Variants in KLHL5 observed in about 807,000 individuals in gnomAD.
The protein encoded by KLHL5 is kelch-like protein 5.
In KLHL5, 48 loss-of-function variants were observed where a neutral mutation model predicts 77.7. The observed-to-expected ratio is 0.62, with a 90% CI of 0.49 to 0.79. The LOEUF (loss-of-function observed/expected upper bound fraction) is 0.79. Among genes scored for constraint, KLHL5 ranks in the 30% least tolerant of loss-of-function variants. The pLI, the probability that KLHL5 is intolerant of heterozygous loss-of-function variation, is 0.00. For synonymous variants in KLHL5, 260 were observed against 297.0 expected, an observed-to-expected ratio of 0.88 and a Z score of 1.28; for missense variants, 723 against 859.7, an observed-to-expected ratio of 0.84 and a Z score of 1.99.
chr4:39,064,150 C>A (rs1196636282), intron 1 of KLHL5, among the ~76,000 whole-genome samples: 1 of 152,018 alleles, frequency 6.6e-6, no homozygotes, highest in Non-Finnish European at 1.5e-5. Flanking sequence ...ACCACCTTTT[C>A]CTCTTCTAAC....
chr4:39,137,880 A>G, the KLHL5 span, among the ~76,000 whole-genome samples: 1 of 152,240 alleles, frequency 6.6e-6, no homozygotes, highest in Non-Finnish European at 1.5e-5. Context: ...CAAGAAAAAA[A>G]CAACTCCATT....
chr4:39,125,447 G>C lies in KLHL5; in HGVS notation c.*4381G>C, dbSNP rs1351346609. ...CAAAAAAGAGGAAACAACCCAAATG[G>C]CCATCAGCTGATGAATGAATAAACA... is the stretch of plus-strand genomic sequence containing the variant. On this transcript the variant is annotated 3_prime_UTR_variant, in exon 11 of 11. Transcript: ENST00000504108. Among the ~76,000 whole-genome samples, 1 of 152,086 alleles carries C rather than the reference G, an allele frequency of 6.6e-6. No homozygotes were observed. Among genetic ancestry groups the C allele is most frequent in the African/African-American group, 2.4e-5 (1 of 41,402 alleles).
chr4:39,129,211 C>T (rs1723704140), downstream of KLHL5, among the ~76,000 whole-genome samples: 1 of 141,522 alleles, frequency 7.1e-6, no homozygotes. The surrounding 1 kb of genome is among the most constrained non-coding windows in gnomAD (Gnocchi z 4.2). Context: ...GAGACGGAGT[C>T]TTGCTCTGTT....
intron 1 of KLHL5, among the ~76,000 whole-genome samples, chr4:39,071,340 C>T (rs1270017873): frequency 6.6e-6 from 1 of 151,606 alleles, no homozygotes; most frequent in Non-Finnish European, 1.5e-5. Flanking sequence ...TTTAGAGTTT[C>T]GGAAGAGCTT....
chr4:39,137,071 G>A, the KLHL5 span, among the ~76,000 whole-genome samples: 1 of 152,170 alleles, frequency 6.6e-6, no homozygotes, highest in Non-Finnish European at 1.5e-5. Flanking sequence ...ATACAGCAGA[G>A]GAAAAAACAA....
intron 7 of KLHL5, among the ~76,000 whole-genome samples, 173 bp from the exon 8 acceptor site, chr4:39,107,388 AACCCACCC>A (rs534175264): frequency 6.9e-6 from 1 of 144,538 alleles, no homozygotes; most frequent in Non-Finnish European, 1.5e-5. Context: ...GTGCTATTTC[AACCCACCC>A]ACCCACCCAC....
intron 1 of KLHL5, among the ~76,000 whole-genome samples, chr4:39,071,475 T>C (rs1489429483): frequency 6.6e-6 from 1 of 152,228 alleles, no homozygotes; most frequent in Non-Finnish European, 1.5e-5. Flanking sequence ...CTAAATAGTT[T>C]ACAATAAAAA....
chr4:39,069,961 GT>G lies in KLHL5; in HGVS notation c.384-6000del, dbSNP rs1404524965. Among the ~76,000 whole-genome samples the G allele has an allele frequency of 5.9e-5, 9 of 152,228 alleles. No individual in the cohort carries two copies. The East Asian group carries it at 1.7e-3, about 29-fold the overall frequency. ...CTGTTTTTCTCCATTTCTAAATTCT[GT>G]TTTCCTTTGTGATGGCATTATCTCA... On this transcript the variant is annotated intron_variant, in intron 1 of 10. Coordinates refer to ENST00000504108, the MANE Select transcript of KLHL5 (RefSeq NM_015990.5).
intron 1 of KLHL5, among the ~76,000 whole-genome samples, chr4:39,065,311 C>G (rs1045322422): frequency 6.6e-6 from 1 of 151,286 alleles, no homozygotes; most frequent in Non-Finnish European, 1.5e-5. Flanking sequence ...CTACTGTAAA[C>G]AAATCAAAGC....
At chr4:39,084,088 TA>T in intron 4 of KLHL5, among the ~76,000 whole-genome samples, 1 of 152,342 alleles carries the variant, frequency 6.6e-6, no homozygotes, top group Admixed American at 6.5e-5. Context: ...TTCAGTTGCC[TA>T]AAAACTATTC....
At chr4:39,139,911 T>C in the KLHL5 span, among the ~76,000 whole-genome samples, 6 of 151,984 alleles carry the variant, frequency 3.9e-5, no homozygotes, top group African/African-American at 1.4e-4. Flanking sequence ...AAAGACTGAG[T>C]AACTGTACTA....
At chr4:39,053,867 T>C (rs1716828881) in intron 1 of KLHL5, among the ~76,000 whole-genome samples, 1 of 152,214 alleles carries the variant, frequency 6.6e-6, no homozygotes, top group Non-Finnish European at 1.5e-5. Context: ...CTTTTGATGT[T>C]ACTGTGGGCC....
rs149477522 is a variant in KLHL5, at chr4:39,098,993, A to C, written c.1300+2115A>C. Among the ~76,000 whole-genome samples the C allele has an allele frequency of 2.7e-3, 413 of 152,304 alleles. 3 individuals carry two copies. The highest frequency in any genetic ancestry group is 9.0e-3 in the African/African-American group (375 of 41,568). ...CTTTGTACCACTCTCACAAGTTATT[A>C]TTAATATTAAAAATAGGCCAGGATT... is the stretch of plus-strand genomic sequence containing the variant. On this transcript the variant is annotated intron_variant, in intron 6 of 10. Coordinates refer to ENST00000504108, the MANE Select transcript of KLHL5 (RefSeq NM_015990.5).
intron 2 of KLHL5, among the ~76,000 whole-genome samples, chr4:39,079,399 T>C (rs908129732): frequency 5.3e-5 from 8 of 152,352 alleles, no homozygotes; most frequent in Non-Finnish European, 7.3e-5. Context: ...ATTGTCCTAT[T>C]GGTCTCTGTC....
intron 10 of KLHL5, among the ~76,000 whole-genome samples, chr4:39,118,902 G>T (rs1723033639): frequency 6.6e-6 from 1 of 152,134 alleles, no homozygotes. Context: ...AGATTGTGTG[G>T]GCTTTATCCT....
At chr4:39,068,882 T>G (rs774980884) in intron 1 of KLHL5, among the ~76,000 whole-genome samples, 2 of 152,192 alleles carry the variant, frequency 1.3e-5, no homozygotes, top group Non-Finnish European at 2.9e-5. Context: ...TCATTTAACT[T>G]TAGGAAGTAT....
chr4:39,107,679 G>A lies in KLHL5; in HGVS notation c.1636G>A (p.Ala546Thr), dbSNP rs1722150509. ...DPQARQWNFV[A>T]TMSTPRSTVG... ...TCAGGCTCGCCAGTGGAATTTTGTT[G>A]CCACTATGTCTACCCCTAGGAGTAC... Residue 546 changes from alanine (A) to threonine (T), a missense_variant, in exon 8 of 11, where the codon GCC becomes ACC. Ala to Thr is a moderately conservative substitution (Grantham distance 58). Around this residue, in one of 3 missense-constraint regions of KLHL5, gnomAD observed 214 missense variants for 237.4 expected, o/e 0.90. Transcript: ENST00000504108. 1 of 1,613,020 alleles carries A rather than the reference G, an allele frequency of 6.2e-7. No individual in the cohort carries two copies. Among genetic ancestry groups the A allele is most frequent in the Non-Finnish European group, 8.5e-7 (1 of 1,179,182 alleles).
chr4:39,077,337 T>C (rs1897135), intron 2 of KLHL5, among the ~76,000 whole-genome samples: 113,746 of 151,582 alleles, frequency 0.75, 42,705 homozygotes, highest in East Asian at 0.82. Flanking sequence ...TGGCAGGCAC[T>C]TGTAGTCCCA....
At chr4:39,092,985 C>T (rs1720729816) in intron 5 of KLHL5, 1 of 411,816 alleles carries the variant, frequency 2.4e-6, no homozygotes, top group African/African-American at 2.1e-5. Context: ...CCATATGCCC[C>T]AGCAGTTCTA....
Sources: gnomAD v4.1 joint callset for allele counts (sites outside exome capture counted in the v4.1 genomes callset) on GRCh38, gnomAD v4.1.1 for gene constraint, gnomAD v4.1.1 regional missense constraint, Gnocchi (gnomAD v3.1) non-coding constraint, MANE v1.5 for transcripts, NCBI Gene and HGNC (gene_info 2026-07-23, HGNC 2026-07-21) for gene names.